Variants in KLHL7 observed in about 807,000 individuals in gnomAD.
KLHL7 encodes the protein kelch-like protein 7.
In KLHL7, 44 loss-of-function variants were observed where a neutral mutation model predicts 67.4. The observed-to-expected ratio is 0.65, with a 90% confidence interval of 0.51 to 0.84. The LOEUF is 0.84. Among genes scored for constraint, KLHL7 ranks in the 40% least tolerant of loss-of-function variants. The pLI is 0.00. For missense variants in KLHL7, 362 were observed against 718.1 expected (o/e 0.50, Z 5.67); for synonymous variants, 252 against 243.3 (o/e 1.04, Z -0.33).
rs1425742767 is a variant in KLHL7, at chr7:23,106,079, T to C, written c.53T>C (p.Leu18Pro). 1 of 1,609,142 alleles carries C rather than the reference T, an allele frequency of 6.2e-7. No homozygotes were observed. The highest frequency in any genetic ancestry group is 8.5e-7 in the Non-Finnish European group (1 of 1,178,204). ...AGCAAGAAGAAGACCGAGAAGAAAC[T>C]TGCTGCTCGGGAAGAAGCTAAATTG... The part of the protein sequence containing the change: ...KSSKKKTEKK[L>P]AAREEAKLLA... The change falls in exon 1 of 11, where the codon CTT becomes CCT. Residue 18 changes from leucine to proline, a missense_variant. By Grantham distance (98) the Leu-to-Pro change is moderately conservative. Coordinates refer to ENST00000339077, the MANE Select transcript of KLHL7 (RefSeq NM_001031710.3).
At chr7:23,111,409 G>A (rs1782864767) in intron 1 of KLHL7, among the ~76,000 whole-genome samples, 1 of 152,222 alleles carries the variant, frequency 6.6e-6, no homozygotes, top group Admixed American at 6.5e-5. Context: ...CTAGAGACCT[G>A]CCCATGCATA....
chr7:23,136,945 A>G (rs1325828853), intron 4 of KLHL7, among the ~76,000 whole-genome samples: 1 of 152,168 alleles, frequency 6.6e-6, no homozygotes, highest in African/African-American at 2.4e-5. Context: ...TACTCAGAGA[A>G]AAATAATTTG....
Position 23,125,087 on chromosome 7 carries a change from TGCA to T in KLHL7, c.361_363del (p.Ala121del). The stretch of plus-strand genomic sequence containing the variant: ...GCAACAATGTTCAGTCTTTGCTGGA[TGCA>T]GCAAACCAATATCAGATTGAACCTG... On this transcript the variant is annotated inframe_deletion, in exon 4 of 11. Coordinates refer to ENST00000339077, the MANE Select transcript of KLHL7 (RefSeq NM_001031710.3). The T allele has an allele frequency of 6.2e-7, 1 of 1,612,684 alleles. No homozygotes were observed. Among genetic ancestry groups the T allele is most frequent in the Non-Finnish European group, 8.5e-7 (1 of 1,178,756 alleles).
At position 23,143,959 on chromosome 7, in the gene KLHL7, T is replaced by C. The variant is rs977172213; in HGVS notation, c.727T>C (p.Leu243=). 1 of 1,614,078 alleles carries C rather than the reference T, an allele frequency of 6.2e-7. No individual in the cohort carries two copies. Residue 243 remains leucine (L), a synonymous_variant, in exon 6 of 11, where the codon TTA becomes CTA. Coordinates refer to ENST00000339077, the MANE Select transcript of KLHL7 (RefSeq NM_001031710.3). ...VRFPLISKNF[L]SKTVQAEPLI... is the part of the protein sequence containing the mutation. ...GTTTCCTCTTATATCAAAGAATTTC[T>C]TAAGTAAAACGGTACAAGCTGAACC...
chr7:23,136,203 T>C (rs1783970683), intron 4 of KLHL7, among the ~76,000 whole-genome samples: 1 of 152,186 alleles, frequency 6.6e-6, no homozygotes, highest in Non-Finnish European at 1.5e-5. Context: ...TGTCACAAGG[T>C]TGCAAATGAG....
At chr7:23,162,568 C>G (rs977723449) in intron 7 of KLHL7, among the ~76,000 whole-genome samples, 5 of 152,200 alleles carry the variant, frequency 3.3e-5, no homozygotes, top group African/African-American at 1.2e-4. Context: ...CATAGCTCCT[C>G]CATACAGAGC....
At position 23,124,190 on chromosome 7, in the gene KLHL7, C is replaced by CAAAA. The variant is rs149801497; in HGVS notation, c.223+340_223+343dup. 4.6e-3 allele frequency among the ~76,000 whole-genome samples: 118 copies of CAAAA among 25,874 alleles called. 23 individuals are homozygous for CAAAA. Among genetic ancestry groups the CAAAA allele is most frequent in the East Asian group, 6.9e-3 (3 of 434 alleles). 17.0% of individuals were successfully genotyped at this position (25,874 alleles called of 152,430 possible). On this transcript the variant is annotated intron_variant, in intron 2 of 10. Transcript: ENST00000339077. ...TGGGCGTCAGAGCGAGACTCTGTCTCAAAAAAAAAAAAAAAAAAAAAAAAA... is the reference window on the plus strand; with the variant it reads ...TGGGCGTCAGAGCGAGACTCTGTCTCAAAAAAAAAAAAAAAAAAAAAAAAAAAAA...
chr7:23,160,765 T>C (rs1784833529), intron 7 of KLHL7, among the ~76,000 whole-genome samples: 1 of 152,226 alleles, frequency 6.6e-6, no homozygotes, highest in Non-Finnish European at 1.5e-5. Flanking sequence ...GAGGTTAATA[T>C]GTTTCCAGTA....
chr7:23,128,407 C>A (rs1783662212), intron 4 of KLHL7, among the ~76,000 whole-genome samples: 1 of 116,478 alleles, frequency 8.6e-6, no homozygotes, highest in South Asian at 3.0e-4. Flanking sequence ...AATAAGACTA[C>A]GACTTCTTTG....
intron 4 of KLHL7, among the ~76,000 whole-genome samples, chr7:23,130,830 T>C (rs1783772876): frequency 6.6e-6 from 1 of 152,214 alleles, no homozygotes; most frequent in Non-Finnish European, 1.5e-5. Flanking sequence ...TATGGCACTA[T>C]GTAAAGTGAA....
intron 9 of KLHL7, chr7:23,171,154 C>G (rs1785149335): frequency 2.8e-6 from 1 of 355,330 alleles, no homozygotes; most frequent in Non-Finnish European, 5.7e-6. Flanking sequence ...ATCTGCCCAC[C>G]TTGGCCTCCC....
rs142489017 is a variant in KLHL7, at chr7:23,126,797, A to G, written c.442+1625A>G. On this transcript the variant is annotated intron_variant, in intron 4 of 10. Transcript: ENST00000339077. ...AGGGAATAAAAATGAGACTTAGCCT[A>G]ATATCCAGAAAAGGGATTGGACTAG... is the stretch of plus-strand genomic sequence containing the variant. Among the ~76,000 whole-genome samples the G allele has an allele frequency of 3.2e-4, 48 of 152,354 alleles. No individual in the cohort carries two copies. In the East Asian group the frequency reaches 8.5e-3, roughly 27 times the overall value.
intron 1 of KLHL7, among the ~76,000 whole-genome samples, chr7:23,116,565 C>A (rs1783097899): frequency 6.6e-6 from 1 of 152,134 alleles, no homozygotes. Flanking sequence ...ATTAGAATAC[C>A]TTTCTTTTTC....
Position 23,173,131 on chromosome 7 carries a change from A to G in KLHL7, c.1477+86A>G. The stretch of plus-strand genomic sequence containing the variant: ...TATTGAAGCATTTTTAAAAATCTAG[A>G]TAGAAGCATTTACCATGTATATTAT... On this transcript the variant is annotated intron_variant, in intron 10 of 10. Transcript: ENST00000339077. 7.8e-6 allele frequency: 7 copies of G among 894,200 alleles called. No individual in the cohort carries two copies. The South Asian group carries it at 9.3e-5, about 12-fold the overall frequency. The allele number at this position is 894,200 out of a possible 1,614,324, so 55.4% of individuals were successfully genotyped here. A position where few individuals can be genotyped will look rare whatever the true frequency, so the allele number is the denominator to read the frequency against.
intron 7 of KLHL7, among the ~76,000 whole-genome samples, chr7:23,158,676 G>A (rs992118778): frequency 6.6e-6 from 1 of 152,128 alleles, no homozygotes; most frequent in African/African-American, 2.4e-5. Flanking sequence ...TTGTGGGTTG[G>A]ACACCAGCAA....
Position 23,174,303 on chromosome 7 carries a change from T to A in KLHL7, c.*5T>A, listed in dbSNP as rs1440104951. On this transcript the variant is annotated 3_prime_UTR_variant, in exon 11 of 11. Coordinates refer to ENST00000339077, the MANE Select transcript of KLHL7 (RefSeq NM_001031710.3). ...GAAGAGACCCTTGAAACATGAAAAA[T>A]GAGTGGACTTCAGACTCATCAGAGA... The A allele has an allele frequency of 6.2e-7, 1 of 1,613,980 alleles. No individual in the cohort carries two copies. Among genetic ancestry groups the A allele is most frequent in the Non-Finnish European group, 8.5e-7 (1 of 1,179,906 alleles).
At chr7:23,149,838 G>A (rs530424443) in intron 6 of KLHL7, among the ~76,000 whole-genome samples, 1 of 152,328 alleles carries the variant, frequency 6.6e-6, no homozygotes, top group African/African-American at 2.4e-5. Context: ...CCAGCTGTTT[G>A]AATGCAAAAG....
chr7:23,168,545 C>CA (rs1785067237), intron 9 of KLHL7, among the ~76,000 whole-genome samples: 1 of 152,064 alleles, frequency 6.6e-6, no homozygotes, highest in Non-Finnish European at 1.5e-5. Context: ...CAAAGTGTGT[C>CA]AAAAAGGTAA....
chr7:23,138,178 G>GA (rs1329455524), intron 4 of KLHL7, among the ~76,000 whole-genome samples: 2 of 143,470 alleles, frequency 1.4e-5, no homozygotes, highest in African/African-American at 2.6e-5. Flanking sequence ...TCCGTCTCAA[G>GA]AAAAAAAAGG....
Sources: gnomAD v4.1 joint callset for allele counts (sites outside exome capture counted in the v4.1 genomes callset) on GRCh38, gnomAD v4.1.1 for gene constraint, MANE v1.5 for transcripts, NCBI Gene and HGNC (gene_info 2026-07-23, HGNC 2026-07-21) for gene names.